Variants in ADGRV1 observed in about 807,000 individuals in gnomAD.
The protein encoded by ADGRV1 is G-protein coupled receptor 98.
ADGRV1 carries 359 observed loss-of-function variants against 596.2 expected under a neutral mutation model. The ratio of observed to expected loss-of-function variants is 0.60; its 90% CI spans 0.55 to 0.66. ADGRV1 has a LOEUF of 0.66. Among genes scored for constraint, ADGRV1 ranks in the 30% least tolerant of loss-of-function variants. The pLI is 0.00. For missense variants in ADGRV1, 7,274 were observed against 7,575.6 expected, an observed-to-expected ratio of 0.96 and a Z score of 1.48; for synonymous variants, 2,681 against 2,679.2, an observed-to-expected ratio of 1.00 and a Z score of -0.02.
chr5:90,836,770 T>C (rs2150347398), intron 77 of ADGRV1, among the ~76,000 whole-genome samples: 1 of 152,348 alleles, frequency 6.6e-6, no homozygotes, highest in East Asian at 1.9e-4. Context: ...TTCTTATAAC[T>C]GCATGTAAAT....
chr5:91,095,915 C>A (rs1160887967), intron 86 of ADGRV1, among the ~76,000 whole-genome samples: 2 of 150,798 alleles, frequency 1.3e-5, no homozygotes, highest in Admixed American at 6.6e-5. Context: ...CCCGAGTAGC[C>A]ACCATGCCTG....
intron 63 of ADGRV1, 79 bp from the exon 64 acceptor site, chr5:90,778,786 A>T: frequency 9.8e-6 from 12 of 1,226,398 alleles, no homozygotes; most frequent in Non-Finnish European, 1.4e-5. Flanking sequence ...CAATCCTGGT[A>T]AATAGAACGT....
intron 53 of ADGRV1, among the ~76,000 whole-genome samples, 186 bp downstream of exon 53, chr5:90,750,883 T>A (rs975012324): frequency 2.0e-5 from 3 of 152,146 alleles, no homozygotes; most frequent in Non-Finnish European, 2.9e-5. Context: ...TGTTCTTTTT[T>A]AAAAAAATAT....
In ADGRV1 at chr5:90,638,013, T is replaced by G. The variant is rs576907924; in HGVS notation, c.2240+65T>G. ...TTGAGTTCTCTTCAATAACTTTGAT[T>G]TTTTTTTTACTCTTTTTTTTCTATA... On this transcript the variant is annotated intron_variant, in intron 11 of 89. Transcript: ENST00000405460. 3.3e-4 allele frequency: 374 copies of G among 1,125,860 alleles called. No individual in the cohort carries two copies. The Middle Eastern group carries it at 5.4e-3, about 16-fold the overall frequency. The allele number at this position is 1,125,860 out of a possible 1,614,324, so 69.7% of individuals were successfully genotyped here.
intron 24 of ADGRV1, 80 bp from the exon 25 acceptor site, chr5:90,676,000 C>A: frequency 8.6e-7 from 1 of 1,164,154 alleles, no homozygotes; most frequent in South Asian, 1.8e-5. Context: ...TCTGATTTTA[C>A]AAATTTGTGT....
chr5:91,032,489 C>T (rs565024038), intron 85 of ADGRV1, among the ~76,000 whole-genome samples: 5 of 152,096 alleles, frequency 3.3e-5, no homozygotes, highest in Admixed American at 6.5e-5. Context: ...CTTTATTTCA[C>T]CAATATTGGC....
intron 83 of ADGRV1, among the ~76,000 whole-genome samples, chr5:90,902,832 T>C (rs1052196162): frequency 2.0e-5 from 3 of 152,156 alleles, no homozygotes; most frequent in African/African-American, 7.2e-5. Context: ...TTGGCCTCTT[T>C]ACCACGCTGA....
At chr5:90,978,015 G>C (rs1779758543) in intron 84 of ADGRV1, among the ~76,000 whole-genome samples, 1 of 152,174 alleles carries the variant, frequency 6.6e-6, no homozygotes, top group Middle Eastern at 3.4e-3. Flanking sequence ...TATTTGTTTT[G>C]ACTGGGCACG....
intron 17 of ADGRV1, among the ~76,000 whole-genome samples, chr5:90,649,521 C>T (rs1396912385): frequency 5.3e-5 from 8 of 151,692 alleles, no homozygotes; most frequent in African/African-American, 1.9e-4. Context: ...TGAAGTCTCA[C>T]TCTGTTGCCC....
intron 85 of ADGRV1, among the ~76,000 whole-genome samples, chr5:91,032,198 G>A (rs983241713): frequency 6.6e-6 from 1 of 152,224 alleles, no homozygotes; most frequent in Non-Finnish European, 1.5e-5. Flanking sequence ...AGCTGGGCAT[G>A]TCTGGGGATT....
intron 1 of ADGRV1, among the ~76,000 whole-genome samples, chr5:90,595,987 T>C (rs1169962080): frequency 4.6e-5 from 5 of 109,272 alleles, no homozygotes; most frequent in Non-Finnish European, 7.5e-5. Flanking sequence ...CTCCTCACTT[T>C]TCAGACGGGG....
chr5:91,028,543 A>G (rs1417238172), intron 85 of ADGRV1, among the ~76,000 whole-genome samples: 2 of 151,974 alleles, frequency 1.3e-5, no homozygotes, highest in East Asian at 3.9e-4. Context: ...AATGACGCCC[A>G]TTTACACATG....
Position 90,745,171 on chromosome 5 carries a change from C to G in ADGRV1, c.10675C>G (p.Leu3559Val). The change falls in exon 51 of 90, where the codon CTT becomes GTT. Residue 3559 changes from leucine (L) to valine (V), a missense_variant. This residue lies in a region of ADGRV1 where 3,643 missense variants were observed against 3,809.2 expected (regional missense o/e 0.96). Transcript: ENST00000405460. Reference sequence around the variant, plus strand: ...TGTGGCTTCTGTTACAGTAAAGTCCCTTAATTCAAGCAAGAATTTAATAGC... The same window carrying G: ...TGTGGCTTCTGTTACAGTAAAGTCCGTTAATTCAAGCAAGAATTTAATAGC... ...YDVASVTVKS[L>V]NSSKNLIALV... is the part of the protein sequence containing the mutation. 2 of 1,613,376 alleles carry G rather than the reference C, an allele frequency of 1.2e-6. No homozygotes were observed. Among genetic ancestry groups the G allele is most frequent in the Non-Finnish European group, 1.7e-6 (2 of 1,179,666 alleles).
At chr5:90,909,917 C>T (rs1195946553) in intron 83 of ADGRV1, among the ~76,000 whole-genome samples, 8 of 152,108 alleles carry the variant, frequency 5.3e-5, no homozygotes, top group Non-Finnish European at 1.5e-5. Context: ...ATTAAAAATA[C>T]AAATGTTTAA....
At chr5:90,702,206 GT>G (rs1304212272) in intron 34 of ADGRV1, among the ~76,000 whole-genome samples, 1 of 151,792 alleles carries the variant, frequency 6.6e-6, no homozygotes, top group Non-Finnish European at 1.5e-5. Context: ...TTGTTCACAA[GT>G]TTTACAAATA....
chr5:90,569,385 ATATTTTTTTTTTTTT>A (rs1179322000), intron 1 of ADGRV1, among the ~76,000 whole-genome samples: 1 of 16,490 alleles, frequency 6.1e-5, no homozygotes, highest in Admixed American at 1.4e-3. Context: ...ATATATATAT[ATATTTTTTTTTTTTT>A]TTTTTTTTTT....
chr5:90,767,427 A>C (rs1757258544), intron 59 of ADGRV1, among the ~76,000 whole-genome samples: 2 of 152,200 alleles, frequency 1.3e-5, no homozygotes, highest in Admixed American at 6.5e-5. Context: ...GAAAATAAGA[A>C]TTGACGAGAA....
intron 87 of ADGRV1, among the ~76,000 whole-genome samples, chr5:91,128,029 TGAAA>T (rs1279379813): frequency 5.3e-5 from 8 of 152,094 alleles, no homozygotes; most frequent in African/African-American, 1.9e-4. Flanking sequence ...AAAAGCAAAA[TGAAA>T]GAAAGCAAGC....
chr5:90,984,521 A>G (rs1780330063), intron 84 of ADGRV1, among the ~76,000 whole-genome samples: 1 of 152,140 alleles, frequency 6.6e-6, no homozygotes, highest in Admixed American at 6.6e-5. Flanking sequence ...CACTTGTCCC[A>G]TTTATATGTT....
Sources: gnomAD v4.1 joint callset for allele counts (sites outside exome capture counted in the v4.1 genomes callset) on GRCh38, gnomAD v4.1.1 for gene constraint, gnomAD v4.1.1 regional missense constraint, MANE v1.5 for transcripts, NCBI Gene and HGNC (gene_info 2026-07-23, HGNC 2026-07-21) for gene names.